ZMIZ2: variants seen among roughly 807,000 people sequenced by gnomAD.
The protein encoded by ZMIZ2 is zinc finger MIZ domain-containing protein 2.
Under a neutral mutation model 93.9 loss-of-function variants are expected in ZMIZ2, and 26 were observed. The ratio of observed to expected loss-of-function variants is 0.28; its 90% CI spans 0.20 to 0.38. The LOEUF (loss-of-function observed/expected upper bound fraction) is 0.38. Ranked by LOEUF, ZMIZ2 falls within the 10% of genes least tolerant of loss-of-function variation. ZMIZ2 has a pLI of 1.00. For synonymous variants in ZMIZ2, 485 were observed against 516.4 expected, an observed-to-expected ratio of 0.94 and a Z score of 0.82; for missense variants, 1,023 against 1,235.0, an observed-to-expected ratio of 0.83 and a Z score of 2.57.
chr7:44,757,235 G>T, intron 4 of ZMIZ2, 86 bp downstream of exon 4: 1 of 1,507,770 alleles, frequency 6.6e-7, no homozygotes, highest in Non-Finnish European at 8.8e-7. Context: ...TCAGCTGGAC[G>T]TTCCCTCTCT....
At chr7:44,759,664 C>T in intron 7 of ZMIZ2, 1 of 472,978 alleles carries the variant, frequency 2.1e-6, no homozygotes, top group Non-Finnish European at 3.6e-6. Flanking sequence ...GCAGGAGCAG[C>T]TCCTGGGGTT....
At chr7:44,750,514 T>C (rs1562718175) in intron 1 of ZMIZ2, among the ~76,000 whole-genome samples, 1 of 152,164 alleles carries the variant, frequency 6.6e-6, no homozygotes. Flanking sequence ...TTGGAGACAG[T>C]GAGTCCTGAT....
At chr7:44,756,869 G>A (rs1289719669) in intron 3 of ZMIZ2, 78 bp from the exon 4 acceptor site, 1 of 1,566,266 alleles carries the variant, frequency 6.4e-7, no homozygotes, top group Non-Finnish European at 8.7e-7. Flanking sequence ...CAGGCCTGTT[G>A]GTTTCTAGCA....
At position 44,756,240 on chromosome 7, in the gene ZMIZ2, T is replaced by C. The variant is rs1790576952; in HGVS notation, c.-10T>C. The C allele has an allele frequency of 6.2e-7, 1 of 1,613,972 alleles. No individual in the cohort carries two copies. ...CTGTCAGACCCGGCCTGTAGGCTGC[T>C]CCATTGCCAATGAACTCCATGAACC... On this transcript the variant is annotated 5_prime_UTR_variant, in exon 2 of 19. Transcript: ENST00000309315.
intron 3 of ZMIZ2, 183 bp from the exon 4 acceptor site, chr7:44,756,753 TCTTCACCTAGC>T (rs966993213): frequency 1.8e-5 from 14 of 797,464 alleles, no homozygotes; most frequent in Admixed American, 8.2e-5. Context: ...TCTTCTCCTG[TCTTCACCTAGC>T]CTTCACAAAA....
chr7:44,750,043 A>G (rs974650077), intron 1 of ZMIZ2: 1 of 152,172 alleles, frequency 6.6e-6, no homozygotes. Flanking sequence ...GTAAATGAAG[A>G]GAACAAGCAG....
intron 7 of ZMIZ2, 162 bp from the exon 8 acceptor site, chr7:44,759,987 CCT>C: frequency 1.4e-6 from 1 of 738,404 alleles, no homozygotes; most frequent in Non-Finnish European, 2.2e-6. Flanking sequence ...TGATCATTTT[CCT>C]CTGTGGCTAT....
At position 44,760,433 on chromosome 7, in the gene ZMIZ2, T is replaced by C; in HGVS notation, c.1080T>C (p.Arg360=). ...YSQPGLSGPT[R]SIPGYPSSPL... ...TGTGCTCAACCCTACAGCCTACCCGTTCCATCCCGGGCTATCCCAGTTCCC... is the reference window on the plus strand; with the variant it reads ...TGTGCTCAACCCTACAGCCTACCCGCTCCATCCCGGGCTATCCCAGTTCCC... Residue 360 remains arginine, a synonymous_variant, in exon 9 of 19, where the codon CGT becomes CGC. Transcript: ENST00000309315. 1 of 1,613,948 alleles carries C rather than the reference T, an allele frequency of 6.2e-7. No individual in the cohort carries two copies. The highest frequency in any genetic ancestry group is 8.5e-7 in the Non-Finnish European group (1 of 1,179,928).
chr7:44,759,338 T>C lies in ZMIZ2; in HGVS notation c.871T>C (p.Phe291Leu). The change falls in exon 7 of 19, where the codon TTT becomes CTT. Residue 291 changes from phenylalanine (F) to leucine (L), a missense_variant. Physicochemically the swap from Phe to Leu is conservative, Grantham distance 22. Transcript: ENST00000309315. ...GGQYAPSTAQ[F>L]APSPGQPPAP... Reference sequence around the variant, plus strand: ...CCAGTATGCACCCAGCACCGCCCAGTTTGCGCCCAGCCCTGGGCAGCCCCC... The same window carrying C: ...CCAGTATGCACCCAGCACCGCCCAGCTTGCGCCCAGCCCTGGGCAGCCCCC... The C allele has an allele frequency of 6.2e-7, 1 of 1,604,640 alleles. No individual in the cohort carries two copies. The highest frequency in any genetic ancestry group is 8.5e-7 in the Non-Finnish European group (1 of 1,175,800).
chr7:44,748,806 GC>G (rs1300160473), upstream of ZMIZ2: 1 of 151,066 alleles, frequency 6.6e-6, no homozygotes, highest in Non-Finnish European at 1.5e-5. Context: ...GGCCGGCTGC[GC>G]GGCGTCATGC....
chr7:44,763,608 A>C lies in ZMIZ2; in HGVS notation c.1860+195A>C. On this transcript the variant is annotated intron_variant, in intron 13 of 18. Coordinates refer to ENST00000309315, the MANE Select transcript of ZMIZ2 (RefSeq NM_031449.4). This position sits in a 1 kb window ranked among gnomAD's most constrained non-coding sequence, Gnocchi z 5.6. The stretch of plus-strand genomic sequence containing the variant: ...CTAGGCTATTTTTTCTTCCAAATAT[A>C]ATTGTCATTTTACTAACTTTTTTAC... 1 of 689,006 alleles carries C rather than the reference A, an allele frequency of 1.5e-6. No individual in the cohort carries two copies. The highest frequency in any genetic ancestry group is 2.2e-5 in the South Asian group (1 of 45,006). The allele number at this position is 689,006 out of a possible 1,614,324, so 42.7% of individuals were successfully genotyped here.
At chr7:44,753,395 C>T (rs139181389) in intron 1 of ZMIZ2, among the ~76,000 whole-genome samples, 2,377 of 152,200 alleles carry the variant, frequency 0.016, 17 homozygotes, top group Middle Eastern at 0.031. Flanking sequence ...CAGGTGCATG[C>T]CACCACGCCC....
At chr7:44,759,592 G>C (rs1463395194) in intron 7 of ZMIZ2, 132 bp downstream of exon 7, 1 of 623,704 alleles carries the variant, frequency 1.6e-6, no homozygotes. Context: ...AGGTCCATGT[G>C]TGCTCATGGA....
chr7:44,757,909 G>A lies in ZMIZ2; in HGVS notation c.614G>A (p.Ser205Asn), dbSNP rs766469967. Residue 205 changes from serine (S) to asparagine (N), a missense_variant, in exon 6 of 19, where the codon AGT becomes AAT. This residue lies in a region of ZMIZ2 where 656 missense variants were observed against 777.1 expected (regional missense o/e 0.84). Coordinates refer to ENST00000309315, the MANE Select transcript of ZMIZ2 (RefSeq NM_031449.4). ...FLQHGGPRGP[S>N]VPAGMNPTGI... ...CAGCATGGAGGTCCCCGGGGGCCTA[G>A]TGTCCCCGCTGGCATGAACCCTACT... The A allele has an allele frequency of 1.1e-5, 17 of 1,608,830 alleles. No individual in the cohort carries two copies. The highest frequency in any genetic ancestry group is 5.5e-5 in the South Asian group (5 of 90,232).
chr7:44,765,310 C>A lies in ZMIZ2; in HGVS notation c.1998-25C>A, dbSNP rs1390037943. The A allele has an allele frequency of 6.2e-7, 1 of 1,608,468 alleles. No individual in the cohort carries two copies. The highest frequency in any genetic ancestry group is 1.3e-5 in the African/African-American group (1 of 74,940). On this transcript the variant is annotated intron_variant, in intron 15 of 18. Coordinates refer to ENST00000309315, the MANE Select transcript of ZMIZ2 (RefSeq NM_031449.4). The surrounding 1 kb of genome is among the most constrained non-coding windows in gnomAD (Gnocchi z 4.1). ...GGGCCAGCAGCAGGCCAGGAGGTAA[C>A]CATTCCCCACCTGTCCCTGCCCAGC...
Position 44,761,635 on chromosome 7 carries a change from G to T in ZMIZ2, c.1385+42G>T. The T allele has an allele frequency of 2.5e-6, 4 of 1,613,340 alleles. No individual in the cohort carries two copies. Among genetic ancestry groups the T allele is most frequent in the Middle Eastern group, 1.6e-4 (1 of 6,062 alleles). On this transcript the variant is annotated intron_variant, in intron 10 of 18. Transcript: ENST00000309315. This position sits in a 1 kb window ranked among gnomAD's most constrained non-coding sequence, Gnocchi z 5.8. ...CCCCACCTGACCCCCACGAGGCTCT[G>T]TTCCTCCTCCCACACTCTCAGGGCC...
At chr7:44,753,211 ATT>A (rs35194113) in intron 1 of ZMIZ2, among the ~76,000 whole-genome samples, 60 of 144,868 alleles carry the variant, frequency 4.1e-4, no homozygotes, top group African/African-American at 6.1e-4. Flanking sequence ...TTTAATTTTA[ATT>A]TTTTTTTTTT....
chr7:44,757,623 T>C, intron 5 of ZMIZ2, 62 bp downstream of exon 5: 2 of 1,519,262 alleles, frequency 1.3e-6, no homozygotes, highest in South Asian at 1.3e-5. Flanking sequence ...GAGGAGGTAC[T>C]CAGCCAGACA....
chr7:44,752,965 A>G (rs999662992), intron 1 of ZMIZ2, among the ~76,000 whole-genome samples: 2 of 152,214 alleles, frequency 1.3e-5, no homozygotes, highest in East Asian at 3.8e-4. Flanking sequence ...TACATTTTAC[A>G]TTCCCACTAG....
Sources: gnomAD v4.1 joint callset for allele counts (sites outside exome capture counted in the v4.1 genomes callset) on GRCh38, gnomAD v4.1.1 for gene constraint, gnomAD v4.1.1 regional missense constraint, Gnocchi (gnomAD v3.1) non-coding constraint, MANE v1.5 for transcripts, NCBI Gene and HGNC (gene_info 2026-07-23, HGNC 2026-07-21) for gene names.